GRIP2: variants seen among roughly 807,000 people sequenced by gnomAD.
GRIP2 encodes glutamate receptor interacting protein 2.
GRIP2 carries 58 observed loss-of-function variants against 108.3 expected under a neutral mutation model. The ratio of observed to expected loss-of-function variants is 0.54; its 90% CI spans 0.43 to 0.67. GRIP2 has a LOEUF of 0.67. Ranked by LOEUF, GRIP2 falls within the 30% of genes least tolerant of loss-of-function variation. The pLI is 0.00. For missense variants in GRIP2, 1,278 were observed against 1,430.6 expected (o/e 0.89, Z 1.72); for synonymous variants, 586 against 598.2 (o/e 0.98, Z 0.30).
intron 5 of GRIP2, 80 bp from the exon 6 acceptor site, chr3:14,523,155 G>T (rs751444934): frequency 5.7e-6 from 6 of 1,053,876 alleles, no homozygotes; most frequent in Non-Finnish European, 5.6e-6. Flanking sequence ...CCCTGAGCAG[G>T]CTCCTTCAAT....
chr3:14,565,431 C>T, the GRIP2 span, among the ~76,000 whole-genome samples: 13 of 152,120 alleles, frequency 8.5e-5, no homozygotes, highest in African/African-American at 2.7e-4. Flanking sequence ...TGGACCCCCA[C>T]GCTAATAGGG....
chr3:14,531,530 A>G (rs1201492042), intron 1 of GRIP2, among the ~76,000 whole-genome samples: 2 of 152,102 alleles, frequency 1.3e-5, no homozygotes, highest in Non-Finnish European at 2.9e-5. Flanking sequence ...TTTCTCCTCT[A>G]TGTGCTGACA....
At chr3:14,544,816 G>A (rs1695033405), upstream of GRIP2, among the ~76,000 whole-genome samples, 1 of 152,192 alleles carries the variant, frequency 6.6e-6, no homozygotes, top group Admixed American at 6.5e-5. Flanking sequence ...GGGAAACTGA[G>A]GCTCAGTCTG....
At chr3:14,582,916 C>T in the GRIP2 span, among the ~76,000 whole-genome samples, 1 of 152,204 alleles carries the variant, frequency 6.6e-6, no homozygotes, top group Non-Finnish European at 1.5e-5. Flanking sequence ...TCCTGAGGGC[C>T]TAAGGCAGTG....
chr3:14,507,493 G>C lies in GRIP2; in HGVS notation c.2218+68C>G. 6.4e-7 allele frequency: 1 copy of C among 1,571,330 alleles called. No individual in the cohort carries two copies. The highest frequency in any genetic ancestry group is 2.3e-5 in the East Asian group (1 of 44,262). ...GACTCTGTGAGGGTGTGCAGGCAAA[G>C]CCTGGCACAGAGGGATTGCCCTTCC... is the stretch of plus-strand genomic sequence containing the variant. On this transcript the variant is annotated intron_variant, in intron 18 of 23. Transcript: ENST00000621039. The surrounding 1 kb of genome is among the most constrained non-coding windows in gnomAD (Gnocchi z 4.6).
rs760822393 is a variant in GRIP2 at position 14,524,474 on chromosome 3, G to A, written c.322C>T (p.Arg108Cys). 1.6e-5 allele frequency: 25 copies of A among 1,583,214 alleles called. No individual in the cohort carries two copies. The highest frequency in any genetic ancestry group is 2.7e-5 in the African/African-American group (2 of 74,328). The stretch of plus-strand genomic sequence containing the variant: ...AGCAGGGTGATGATCTCATCGTGGC[G>A]GAGCCTGGTCAGGTGGATCCCGTTC... ...SVNGIHLTRL[R>C]HDEIITLLKN... Residue 108 changes from arginine to cysteine, a missense_variant, in exon 4 of 24, where the codon CGC becomes TGC. Arg to Cys is a radical substitution (Grantham distance 180, BLOSUM62 -3). Transcript: ENST00000621039.
At chr3:14,520,305 G>A (rs780753797) in intron 8 of GRIP2, 26 bp from the exon 9 acceptor site, 6 of 1,611,954 alleles carry the variant, frequency 3.7e-6, no homozygotes, top group Non-Finnish European at 5.1e-6. Context: ...AGTGAAGGCG[G>A]AGGCTGGTCC....
rs901803049 is a variant in GRIP2 at position 14,524,535 on chromosome 3, A to G, written c.261T>C (p.Ser87=). The G allele has an allele frequency of 1.3e-6, 2 of 1,551,770 alleles. No individual in the cohort carries two copies. The highest frequency in any genetic ancestry group is 1.4e-5 in the African/African-American group (1 of 73,078). ...TATAGTCACCAATGTTCAGCAGATC[A>G]CTCCTAGAGCAGGAAGGCCAGGGCA... is the stretch of plus-strand genomic sequence containing the variant. ...NLRPGGLAAR[S]DLLNIGDYIR... is the part of the protein sequence containing the mutation. Residue 87 remains serine (S), a synonymous_variant, in exon 4 of 24, where the codon AGT becomes AGC. Coordinates refer to ENST00000621039, the MANE Select transcript of GRIP2 (RefSeq NM_001080423.4).
In GRIP2 at chr3:14,495,389, T is replaced by TTTG. The variant is rs986263527; in HGVS notation, c.2824-403_2824-401dup. ...AGGGGTTGTCCTCCTCCATATCTTT[T>TTTG]TTGTTGTTGTTGTTTTTGTTTTCGT... is the stretch of plus-strand genomic sequence containing the variant. On this transcript the variant is annotated intron_variant, in intron 22 of 23. Coordinates refer to ENST00000621039, the MANE Select transcript of GRIP2 (RefSeq NM_001080423.4). 4.6e-5 allele frequency among the ~76,000 whole-genome samples: 7 copies of TTTG among 152,158 alleles called. No individual in the cohort carries two copies. In the East Asian group the frequency reaches 9.7e-4, roughly 21 times the overall value.
chr3:14,542,142 T>C, upstream of GRIP2: 1 of 1,072,812 alleles, frequency 9.3e-7, no homozygotes, highest in South Asian at 1.5e-5. Context: ...CTTTCTCTCT[T>C]TTTATTTTTT....
In GRIP2 at chr3:14,496,452, C is replaced by T; in HGVS notation, c.2788G>A (p.Glu930Lys). Residue 930 changes from glutamate (E) to lysine (K), a missense_variant, in exon 22 of 24, where the codon GAG becomes AAG. Glu to Lys is a moderately conservative substitution (Grantham distance 56). Transcript: ENST00000621039. ...EVRASPAEMEELLLPTPLEMH... is the reference protein window; with the variant it reads ...EVRASPAEMEKLLLPTPLEMH... The stretch of plus-strand genomic sequence containing the variant: ...TCCAAGGGTGTAGGCAGCAACAGCT[C>T]CTCCATTTCTGCAGGAGAGGCTCGT... The T allele has an allele frequency of 1.2e-6, 2 of 1,612,842 alleles. No homozygotes were observed. The highest frequency in any genetic ancestry group is 1.7e-6 in the Non-Finnish European group (2 of 1,179,406).
chr3:14,558,724 C>T (rs536229958), upstream of GRIP2, among the ~76,000 whole-genome samples: 3 of 152,160 alleles, frequency 2.0e-5, no homozygotes, highest in African/African-American at 7.2e-5. Context: ...GCTCCAGGCC[C>T]AGCTCTGGGT....
chr3:14,560,585 A>G (rs1695303403), upstream of GRIP2, among the ~76,000 whole-genome samples: 1 of 152,178 alleles, frequency 6.6e-6, no homozygotes, highest in African/African-American at 2.4e-5. Flanking sequence ...AGCCACTAGG[A>G]AAGGGAATCT....
At chr3:14,495,407 G>T (rs1248570696) in intron 22 of GRIP2, among the ~76,000 whole-genome samples, 3 of 151,968 alleles carry the variant, frequency 2.0e-5, no homozygotes, top group Admixed American at 1.3e-4. Context: ...TGTTGTTTTT[G>T]TTTTCGTTTT....
At position 14,511,575 on chromosome 3, in the gene GRIP2, G is replaced by A. The variant is rs1261237645; in HGVS notation, c.1721-96C>T. On this transcript the variant is annotated intron_variant, in intron 14 of 23. Transcript: ENST00000621039. The surrounding 1 kb of genome is among the most constrained non-coding windows in gnomAD (Gnocchi z 4.1). ...TCTGAGTGTGGACTCGGAGCCACTG[G>A]TCCTACTCACATCCTGGTCCCACTG... The A allele has an allele frequency of 8.6e-6, 10 of 1,162,228 alleles. No individual in the cohort carries two copies. Among genetic ancestry groups the A allele is most frequent in the Non-Finnish European group, 1.3e-5 (10 of 794,778 alleles). The allele number at this position is 1,162,228 out of a possible 1,614,324, so 72.0% of individuals were successfully genotyped here. A position where few individuals can be genotyped will look rare whatever the true frequency, so the allele number is the denominator to read the frequency against.
chr3:14,555,085 C>T (rs1225771480), intron 1 of GRIP2, among the ~76,000 whole-genome samples: 2 of 152,126 alleles, frequency 1.3e-5, no homozygotes, highest in Admixed American at 6.6e-5. Context: ...TCCTCCCCAC[C>T]CCCACTCCAA....
At chr3:14,542,155 T>C (rs1694986640), upstream of GRIP2, 1 of 998,184 alleles carries the variant, frequency 1.0e-6, no homozygotes, top group Non-Finnish European at 1.3e-6. Flanking sequence ...TATTTTTTAT[T>C]TTTTTTATTT....
the GRIP2 span, among the ~76,000 whole-genome samples, chr3:14,563,777 G>A: frequency 7.6e-3 from 1,153 of 152,268 alleles, 11 homozygotes; most frequent in Middle Eastern, 0.027. Context: ...AACTTGGGGG[G>A]TGGCATCCAG....
chr3:14,495,337 G>A (rs140685619), intron 22 of GRIP2, among the ~76,000 whole-genome samples: 1 of 152,302 alleles, frequency 6.6e-6, no homozygotes, highest in East Asian at 1.9e-4. Flanking sequence ...CCAAAGAGCT[G>A]CTCAGAGCTT....
Sources: gnomAD v4.1 joint callset for allele counts (sites outside exome capture counted in the v4.1 genomes callset) on GRCh38, gnomAD v4.1.1 for gene constraint, Gnocchi (gnomAD v3.1) non-coding constraint, MANE v1.5 for transcripts, NCBI Gene and HGNC (gene_info 2026-07-23, HGNC 2026-07-21) for gene names.